ANXA3: variants seen among roughly 807,000 people sequenced by gnomAD.
ANXA3 encodes 35-alpha calcimedin.
A neutral mutation model predicts 48.8 loss-of-function variants in ANXA3; 46 were observed. The ratio of observed to expected loss-of-function variants is 0.94; its 90% CI spans 0.74 to 1.21. The LOEUF is 1.21. ANXA3 is among the 50% of genes most tolerant of loss of function. The probability of loss-of-function intolerance (pLI) is 0.00; values close to 1 mark genes in which losing one functional copy is unlikely to be tolerated. For synonymous variants in ANXA3, 128 were observed against 134.7 expected, an observed-to-expected ratio of 0.95 and a Z score of 0.35; for missense variants, 383 against 378.6, an observed-to-expected ratio of 1.01 and a Z score of -0.10.
At chr4:78,608,051 C>T (rs139228730) in intron 12 of ANXA3, among the ~76,000 whole-genome samples, 6 of 151,842 alleles carry the variant, frequency 4.0e-5, no homozygotes, top group Non-Finnish European at 8.8e-5. Flanking sequence ...TTGAGATCAG[C>T]GAATTCACTC....
intron 6 of ANXA3, among the ~76,000 whole-genome samples, chr4:78,589,478 G>A (rs1241006125): frequency 1.3e-5 from 2 of 152,088 alleles, no homozygotes; most frequent in East Asian, 3.9e-4. Flanking sequence ...TCACTCTCTC[G>A]GCAGCAGGCA....
rs766955585 is a variant in ANXA3 at position 78,573,186 on chromosome 4, C to T, written c.22C>T (p.His8Tyr). Reference sequence around the variant, plus strand: ...TTCAAGTATTTCCTTCTAGGTTGGACACCGAGGAACAGTAAGAGATTATCC... The same window carrying T: ...TTCAAGTATTTCCTTCTAGGTTGGATACCGAGGAACAGTAAGAGATTATCC... MASIWVG[H>Y]RGTVRDYPDF... Residue 8 changes from histidine to tyrosine, a missense_variant, in exon 3 of 13, where the codon CAC (histidine) becomes TAC (tyrosine). Transcript: ENST00000264908. The T allele has an allele frequency of 1.2e-6, 2 of 1,611,202 alleles. No individual in the cohort carries two copies. The highest frequency in any genetic ancestry group is 1.7e-6 in the Non-Finnish European group (2 of 1,177,670).
chr4:78,597,700 C>A (rs1372162553), intron 10 of ANXA3, among the ~76,000 whole-genome samples: 1 of 151,978 alleles, frequency 6.6e-6, no homozygotes, highest in East Asian at 1.9e-4. Flanking sequence ...GCAGCCTCAA[C>A]CTCCTGGGCT....
chr4:78,577,656 A>G lies in ANXA3; in HGVS notation c.104-1371A>G, dbSNP rs942419967. Among the ~76,000 whole-genome samples, 4 of 152,240 alleles carry G rather than the reference A, an allele frequency of 2.6e-5. No individual in the cohort carries two copies. The East Asian group carries it at 7.7e-4, about 29-fold the overall frequency. ...CACAGAAGCTTTTGCTTCATCATTGATGTAAGCTGTGTACCACTGCCACGG... is the reference window on the plus strand; with the variant it reads ...CACAGAAGCTTTTGCTTCATCATTGGTGTAAGCTGTGTACCACTGCCACGG... On this transcript the variant is annotated intron_variant, in intron 3 of 12. Coordinates refer to ENST00000264908, the MANE Select transcript of ANXA3 (RefSeq NM_005139.3).
At chr4:78,582,365 A>ACCCATCACAAGTGTG in intron 5 of ANXA3, 75 bp downstream of exon 5, 1 of 996,728 alleles carries the variant, frequency 1.0e-6, no homozygotes, top group Non-Finnish European at 1.6e-6. Context: ...CTTGCAGTGC[A>ACCCATCACAAGTGTG]CACTTGTGAT....
chr4:78,607,101 C>T (rs1723664165), intron 12 of ANXA3, among the ~76,000 whole-genome samples: 2 of 152,204 alleles, frequency 1.3e-5, no homozygotes, highest in Admixed American at 6.5e-5. Context: ...AGTGGCTCTC[C>T]GTTCCCCAGT....
At position 78,590,319 on chromosome 4, in the gene ANXA3, T is replaced by C. The variant is rs72873371; in HGVS notation, c.404-1225T>C. 7.4e-3 allele frequency among the ~76,000 whole-genome samples: 1,125 copies of C among 152,324 alleles called. 9 individuals carry two copies. Among genetic ancestry groups the C allele is most frequent in the African/African-American group, 0.022 (923 of 41,578 alleles). ...ACACACTTTTTTGGTGGATTTTGCTTATATGAATTGCTTTGAAAAGTTACA... is the reference window on the plus strand; with the variant it reads ...ACACACTTTTTTGGTGGATTTTGCTCATATGAATTGCTTTGAAAAGTTACA... On this transcript the variant is annotated intron_variant, in intron 6 of 12. Coordinates refer to ENST00000264908, the MANE Select transcript of ANXA3 (RefSeq NM_005139.3).
At chr4:78,568,393 T>C (rs1188297848) in intron 2 of ANXA3, among the ~76,000 whole-genome samples, 1 of 152,194 alleles carries the variant, frequency 6.6e-6, no homozygotes. Flanking sequence ...CAGAGAGCCA[T>C]CGTTTCTCCC....
chr4:78,608,103 C>A (rs1723689190), intron 12 of ANXA3, among the ~76,000 whole-genome samples: 2 of 151,938 alleles, frequency 1.3e-5, no homozygotes, highest in South Asian at 4.1e-4. Context: ...ATGTGCTAGG[C>A]TCAGGGTTAC....
intron 2 of ANXA3, among the ~76,000 whole-genome samples, chr4:78,562,446 G>A (rs1722645555): frequency 6.6e-6 from 1 of 152,188 alleles, no homozygotes; most frequent in Non-Finnish European, 1.5e-5. Flanking sequence ...CATGTGAACA[G>A]GGTTTAAGAA....
chr4:78,584,495 A>G (rs1330130480), intron 5 of ANXA3, among the ~76,000 whole-genome samples: 8 of 151,980 alleles, frequency 5.3e-5, no homozygotes, highest in Non-Finnish European at 8.8e-5. Flanking sequence ...TTTAAAATCC[A>G]TTTGTTTATT....
Position 78,553,161 on chromosome 4 carries a change from C to T in ANXA3, c.-38-1275C>T, listed in dbSNP as rs189747164. Among the ~76,000 whole-genome samples, 303 of 152,276 alleles carry T rather than the reference C, an allele frequency of 2.0e-3. 2 individuals carry two copies. The highest frequency in any genetic ancestry group is 7.2e-3 in the African/African-American group (300 of 41,550). ...AAGGCAGAAGCATGGGGGTTAGGTT[C>T]ATACCTTTAGAGTCTAGCTGCCTAG... On this transcript the variant is annotated intron_variant, in intron 1 of 12. Coordinates refer to ENST00000264908, the MANE Select transcript of ANXA3 (RefSeq NM_005139.3).
At chr4:78,568,268 AT>A (rs1722770568) in intron 2 of ANXA3, among the ~76,000 whole-genome samples, 2 of 152,216 alleles carry the variant, frequency 1.3e-5, no homozygotes, top group Non-Finnish European at 2.9e-5. Context: ...TACTGGAAAA[AT>A]TGAACAGGAA....
At chr4:78,578,868 TA>T (rs1723016795) in intron 3 of ANXA3, among the ~76,000 whole-genome samples, 158 bp from the exon 4 acceptor site, 4 of 151,188 alleles carry the variant, frequency 2.6e-5, no homozygotes, top group Admixed American at 2.6e-4. Context: ...AATAAATAAA[TA>T]AATAAATAAA....
rs1313383547 is a variant in ANXA3, at chr4:78,598,046, G to A, written c.730+632G>A. On this transcript the variant is annotated intron_variant, in intron 10 of 12. Transcript: ENST00000264908. ...ATTGAGCTTTGTTGAAAACTGAGAC[G>A]TAGGCAAAGCACAGTGGCATGCACG... is the stretch of plus-strand genomic sequence containing the variant. Among the ~76,000 whole-genome samples the A allele has an allele frequency of 3.3e-5, 5 of 152,118 alleles. No individual in the cohort carries two copies. In the East Asian group the frequency reaches 7.7e-4, roughly 24 times the overall value.
chr4:78,601,384 C>A, intron 10 of ANXA3, 126 bp from the exon 11 acceptor site: 1 of 753,464 alleles, frequency 1.3e-6, no homozygotes, highest in Non-Finnish European at 2.2e-6. Flanking sequence ...CAAGTAAAAG[C>A]CAGTTGTGGG....
chr4:78,591,827 A>AAAGAAAAC (rs1723303505), intron 7 of ANXA3, among the ~76,000 whole-genome samples: 1 of 152,240 alleles, frequency 6.6e-6, no homozygotes, highest in Admixed American at 6.5e-5. Context: ...ATGTAACAAC[A>AAAGAAAAC]AAGAAAACTT....
chr4:78,568,461 C>T (rs1460293105), intron 2 of ANXA3, among the ~76,000 whole-genome samples: 1 of 152,158 alleles, frequency 6.6e-6, no homozygotes, highest in Non-Finnish European at 1.5e-5. Flanking sequence ...TTTGATGCCT[C>T]AATTTTTGGA....
intron 6 of ANXA3, among the ~76,000 whole-genome samples, chr4:78,587,230 A>G (rs138765005): frequency 1.3e-5 from 2 of 152,338 alleles, no homozygotes; most frequent in Non-Finnish European, 2.9e-5. Context: ...TTATATAAGC[A>G]TGATTGGTTG....
Sources: allele counts gnomAD v4.1 joint callset (sites outside exome capture counted in the v4.1 genomes callset), GRCh38; gene constraint gnomAD v4.1.1; transcripts MANE v1.5; gene names NCBI Gene and HGNC (gene_info 2026-07-23, HGNC 2026-07-21).